Variants in USP24 observed in about 807,000 individuals in gnomAD.
USP24 encodes ubiquitin specific peptidase 24, also known as ubiquitin carboxyl-terminal hydrolase 24.
In USP24, 97 loss-of-function variants were observed where a neutral mutation model predicts 361.6. The observed-to-expected ratio is 0.27, with a 90% CI of 0.23 to 0.32. The LOEUF (loss-of-function observed/expected upper bound fraction) is 0.32. Among genes scored for constraint, USP24 ranks in the 10% least tolerant of loss-of-function variants. The pLI, the probability that USP24 is intolerant of heterozygous loss-of-function variation, is 1.00. For missense variants in USP24, 2,353 were observed against 3,165.6 expected (o/e 0.74, Z 6.16); for synonymous variants, 1,098 against 1,124.6 (o/e 0.98, Z 0.47).
At chr1:55,107,859 A>AC (rs1557570296) in intron 39 of USP24, among the ~76,000 whole-genome samples, 1 of 149,878 alleles carries the variant, frequency 6.7e-6, no homozygotes, top group African/African-American at 2.5e-5. Context: ...AAAAAAAAAA[A>AC]AAAAAAACAC....
rs756413552 is a variant in USP24 at position 55,214,206 on chromosome 1, C to G, written c.324+584G>C. On this transcript the variant is annotated intron_variant, in intron 1 of 67. Transcript: ENST00000294383. ...ATTTTAAATCCTACTCAATGCCCCC[C>G]CTTTCCGACCCTTGGCTAAAACCCC... is the stretch of plus-strand genomic sequence containing the variant. 1.4e-4 allele frequency among the ~76,000 whole-genome samples: 22 copies of G among 152,052 alleles called. No individual in the cohort carries two copies. The East Asian group carries it at 1.6e-3, about 11-fold the overall frequency.
intron 3 of USP24, 110 bp downstream of exon 3, chr1:55,176,266 T>C (rs1024703236): frequency 2.5e-6 from 2 of 811,086 alleles, no homozygotes; most frequent in African/African-American, 3.5e-5. Context: ...ACAAGATTCA[T>C]AAACTGGTCT....
chr1:55,087,664 T>A (rs1234612942), intron 55 of USP24, among the ~76,000 whole-genome samples: 1 of 152,198 alleles, frequency 6.6e-6, no homozygotes, highest in Non-Finnish European at 1.5e-5. Flanking sequence ...CCTGAATAAG[T>A]ATTTGACTGC....
intron 1 of USP24, among the ~76,000 whole-genome samples, chr1:55,211,298 T>C (rs960556329): frequency 1.3e-5 from 2 of 152,226 alleles, no homozygotes; most frequent in African/African-American, 2.4e-5. Context: ...TGGAATGATT[T>C]TGAAGTAATG....
intron 31 of USP24, among the ~76,000 whole-genome samples, chr1:55,131,882 C>A (rs1252655658): frequency 6.6e-6 from 1 of 152,140 alleles, no homozygotes; most frequent in African/African-American, 2.4e-5. Context: ...TTTCTTCAGA[C>A]CAAGAGTGGT....
At position 55,214,790 on chromosome 1, in the gene USP24, C is replaced by T. The variant is rs1285470131; in HGVS notation, c.324G>A (p.Glu108=). 8.2e-7 allele frequency: 1 copy of T among 1,224,656 alleles called. No individual in the cohort carries two copies. The highest frequency in any genetic ancestry group is 1.0e-6 in the Non-Finnish European group (1 of 973,504). 75.9% of individuals were successfully genotyped at this position (1,224,656 alleles called of 1,614,324 possible). ...PPAYHEVVDA[E]KNDENGNCSG... ...GAGGTCTGGGGTTGCCCCTCCTCAC[C>T]TCCGCGTCCACCACCTCGTGGTAGG... Residue 108 remains glutamate, a splice_region_variant and synonymous_variant, in exon 1 of 68, where the codon GAG becomes GAA. Transcript: ENST00000294383.
rs1647046953 is a variant in USP24, at chr1:55,147,049, T to C, written c.2130A>G (p.Ala710=). ...AGAAAAACGCTAGAAATTTTAGATG[T>C]GCCTCTAAATACTGCAAAAAGAAAT... ...GRYTYREYLE[A]HLKFLAFFLQ... is the part of the protein sequence containing the mutation. Residue 710 remains alanine, a synonymous_variant, in exon 19 of 68, where the codon GCA becomes GCG. Transcript: ENST00000294383. 1 of 1,583,606 alleles carries C rather than the reference T, an allele frequency of 6.3e-7. No individual in the cohort carries two copies. Among genetic ancestry groups the C allele is most frequent in the Admixed American group, 1.9e-5 (1 of 53,060 alleles).
At chr1:55,175,217 CTCTTTTTTTT>C (rs1557670588) in intron 3 of USP24, among the ~76,000 whole-genome samples, 1 of 110,280 alleles carries the variant, frequency 9.1e-6, no homozygotes, top group African/African-American at 3.2e-5. Flanking sequence ...TTTACTGGGT[CTCTTTTTTTT>C]TTTTTTTTTT....
intron 12 of USP24, among the ~76,000 whole-genome samples, chr1:55,156,097 TC>T (rs1647628504): frequency 6.6e-6 from 1 of 152,172 alleles, no homozygotes; most frequent in Non-Finnish European, 1.5e-5. Context: ...CAAAGAGTGC[TC>T]CAGGTTTTTC....
At chr1:55,157,206 T>C (rs1165872187) in intron 11 of USP24, 50 bp downstream of exon 11, 5 of 1,395,470 alleles carry the variant, frequency 3.6e-6, no homozygotes, top group Admixed American at 2.1e-5. Flanking sequence ...TACAAAGATA[T>C]ATTATTTAAA....
At chr1:55,196,134 C>A (rs1202685489) in intron 1 of USP24, among the ~76,000 whole-genome samples, 1 of 152,040 alleles carries the variant, frequency 6.6e-6, no homozygotes, top group African/African-American at 2.4e-5. Context: ...ACAGTGGATC[C>A]CTCTTCCTGG....
chr1:55,177,853 G>A (rs944017195), intron 2 of USP24, 114 bp downstream of exon 2: 4 of 989,938 alleles, frequency 4.0e-6, no homozygotes, highest in Non-Finnish European at 5.8e-6. Context: ...TGAAGACTAA[G>A]AGAATAAATG....
intron 42 of USP24, 88 bp downstream of exon 42, chr1:55,103,788 G>A (rs1645701337): frequency 7.1e-7 from 1 of 1,410,278 alleles, no homozygotes; most frequent in African/African-American, 1.4e-5. Flanking sequence ...TTTCTTTGTG[G>A]TCAGCAGAAT....
chr1:55,212,564 G>A (rs1430275451), intron 1 of USP24, among the ~76,000 whole-genome samples: 1 of 152,192 alleles, frequency 6.6e-6, no homozygotes, highest in Non-Finnish European at 1.5e-5. Context: ...TATTTCCCAA[G>A]ATCAAGAGCC....
chr1:55,153,496 T>C (rs1469318635), intron 16 of USP24, among the ~76,000 whole-genome samples: 1 of 152,234 alleles, frequency 6.6e-6, no homozygotes, highest in African/African-American at 2.4e-5. Flanking sequence ...ATACTATGAA[T>C]GCTCCTCCAT....
chr1:55,184,370 T>C (rs921370906), intron 1 of USP24, among the ~76,000 whole-genome samples: 1 of 152,196 alleles, frequency 6.6e-6, no homozygotes, highest in Non-Finnish European at 1.5e-5. Context: ...AAAGGTTATT[T>C]TGTAATGATA....
Position 55,071,924 on chromosome 1 carries a change from C to T in USP24, c.7690G>A (p.Asp2564Asn). The T allele has an allele frequency of 6.2e-7, 1 of 1,605,542 alleles. No homozygotes were observed. The highest frequency in any genetic ancestry group is 1.7e-4 in the Middle Eastern group (1 of 6,052). ...KTFQRTISAQDTLAYATALLN... is the reference protein window; with the variant it reads ...KTFQRTISAQNTLAYATALLN... ...AAAGCTGTGGCATACGCTAACGTGT[C>T]CTGCAGAAGATTCAAACACAAGACG... Residue 2564 changes from aspartate to asparagine, a missense_variant and splice_region_variant, in exon 67 of 68, where the codon GAC becomes AAC. Transcript: ENST00000294383.
At chr1:55,148,432 C>T in intron 17 of USP24, 31 bp downstream of exon 17, 3 of 1,480,100 alleles carry the variant, frequency 2.0e-6, no homozygotes, top group Non-Finnish European at 2.8e-6. Context: ...ATGCAAGTAA[C>T]TATAATAATA....
At chr1:55,208,867 C>T (rs111905422) in intron 1 of USP24, among the ~76,000 whole-genome samples, 8 of 151,962 alleles carry the variant, frequency 5.3e-5, no homozygotes, top group South Asian at 2.1e-4. Flanking sequence ...AACTGGAAGG[C>T]GGACGTTGCA....
Sources: allele counts gnomAD v4.1 joint callset (sites outside exome capture counted in the v4.1 genomes callset), GRCh38; gene constraint gnomAD v4.1.1; transcripts MANE v1.5; gene names NCBI Gene and HGNC (gene_info 2026-07-23, HGNC 2026-07-21).